Variants in SGPP2 observed in about 807,000 individuals in gnomAD.
The protein encoded by SGPP2 is sphingosine 1-phosphate phosphohydrolase 2.
Under a neutral mutation model 33.9 loss-of-function variants are expected in SGPP2, and 30 were observed. The ratio of observed to expected loss-of-function variants is 0.89; its 90% CI spans 0.66 to 1.20. The LOEUF (loss-of-function observed/expected upper bound fraction) is 1.20. Among genes scored for constraint, SGPP2 ranks in the 50% most tolerant of loss-of-function variants. SGPP2 has a pLI of 0.00. For missense variants in SGPP2, 458 were observed against 532.1 expected, an observed-to-expected ratio of 0.86 and a Z score of 1.37; for synonymous variants, 233 against 225.0, an observed-to-expected ratio of 1.04 and a Z score of -0.32.
chr2:222,440,351 TGTTTTTTTTTGAGACG>T (rs914424634), intron 1 of SGPP2, among the ~76,000 whole-genome samples: 1 of 60,042 alleles, frequency 1.7e-5, no homozygotes, highest in Non-Finnish European at 3.6e-5. Flanking sequence ...TTTTTGTTTT[TGTTTTTTTTTGAGACG>T]GAATCTCATT....
chr2:222,436,209 A>G (rs1392251659), intron 1 of SGPP2, among the ~76,000 whole-genome samples: 3 of 152,198 alleles, frequency 2.0e-5, no homozygotes, highest in African/African-American at 4.8e-5. Context: ...TAATGGAATC[A>G]TCGTTGTGCC....
intron 1 of SGPP2, among the ~76,000 whole-genome samples, chr2:222,445,371 G>A (rs2106070571): frequency 6.6e-6 from 1 of 152,312 alleles, no homozygotes; most frequent in African/African-American, 2.4e-5. Context: ...ACCATAAGAG[G>A]TTGCTTTCCA....
chr2:222,466,076 TTGAAGTCAGGAGTTC>T (rs1322771682), intron 1 of SGPP2, among the ~76,000 whole-genome samples: 3 of 152,086 alleles, frequency 2.0e-5, no homozygotes, highest in Non-Finnish European at 4.4e-5. Flanking sequence ...GGAGGATTGC[TTGAAGTCAGGAGTTC>T]AAGACCAGCC....
At chr2:222,520,300 A>G (rs1227027824) in intron 2 of SGPP2, among the ~76,000 whole-genome samples, 3 of 151,984 alleles carry the variant, frequency 2.0e-5, no homozygotes, top group Middle Eastern at 3.2e-3. Context: ...ATCTTTTTTC[A>G]GTAGATATGA....
chr2:222,439,638 A>G (rs1387625205), intron 1 of SGPP2, among the ~76,000 whole-genome samples: 1 of 152,264 alleles, frequency 6.6e-6, no homozygotes, highest in African/African-American at 2.4e-5. Flanking sequence ...GGAATGAACA[A>G]TTGATACACA....
At chr2:222,536,661 T>C (rs1698920066) in intron 4 of SGPP2, among the ~76,000 whole-genome samples, 1 of 152,058 alleles carries the variant, frequency 6.6e-6, no homozygotes, top group South Asian at 2.1e-4. Context: ...GCCTGGGGGA[T>C]AGAGCAAGAC....
chr2:222,546,775 G>A (rs1689208495), intron 4 of SGPP2, among the ~76,000 whole-genome samples: 7 of 138,604 alleles, frequency 5.1e-5, no homozygotes. Flanking sequence ...TTTCAAAGAC[G>A]ACAAAAGCAC....
intron 2 of SGPP2, among the ~76,000 whole-genome samples, chr2:222,475,627 A>G (rs1198179705): frequency 1.3e-5 from 2 of 152,226 alleles, no homozygotes; most frequent in African/African-American, 4.8e-5. Flanking sequence ...CTGCAAATAC[A>G]CAGAAACCAT....
chr2:222,559,171 C>CA lies in SGPP2; in HGVS notation c.*273_*274insA, dbSNP rs1171768999. ...AAAGGCACACACCGCGCCCCCCCCCCCCCCGCCCGGCCCCTGCTCCTCTCG... is the reference window on the plus strand; with the variant it reads ...AAAGGCACACACCGCGCCCCCCCCCCACCCCGCCCGGCCCCTGCTCCTCTCG... On this transcript the variant is annotated 3_prime_UTR_variant, in exon 5 of 5. Coordinates refer to ENST00000321276, the MANE Select transcript of SGPP2 (RefSeq NM_152386.4). 5.9e-5 allele frequency: 6 copies of CA among 101,398 alleles called. No homozygotes were observed. The highest frequency in any genetic ancestry group is 9.4e-5 in the African/African-American group (2 of 21,330). The allele number at this position is 101,398 out of a possible 1,614,324, so 6.3% of individuals were successfully genotyped here. A position where few individuals can be genotyped will look rare whatever the true frequency, so the allele number is the denominator to read the frequency against.
rs920288037 is a variant in SGPP2, at chr2:222,550,626, T to C, written c.649-7721T>C. Among the ~76,000 whole-genome samples the C allele has an allele frequency of 3.9e-5, 6 of 152,246 alleles. No homozygotes were observed. The highest frequency in any genetic ancestry group is 3.3e-4 in the Admixed American group (5 of 15,288). ...GAAAATGAGGTTGCAGAAATTTGTC[T>C]TTTCACATGGAAAATGTTCCTGCTA... On this transcript the variant is annotated intron_variant, in intron 4 of 4. Transcript: ENST00000321276. The surrounding 1 kb of genome is among the most constrained non-coding windows in gnomAD (Gnocchi z 4.5).
At chr2:222,466,253 CTTTTTTTTTT>C (rs34005867) in intron 1 of SGPP2, among the ~76,000 whole-genome samples, 2 of 104,704 alleles carry the variant, frequency 1.9e-5, no homozygotes. Flanking sequence ...CTGTTTTCAA[CTTTTTTTTTT>C]TTTTTTTTTT....
chr2:222,491,459 C>T (rs1211226476), intron 2 of SGPP2, among the ~76,000 whole-genome samples: 1 of 152,152 alleles, frequency 6.6e-6, no homozygotes, highest in Non-Finnish European at 1.5e-5. Flanking sequence ...GGGAAGCAGG[C>T]ACATCTTACA....
chr2:222,503,693 G>T (rs1698400495), intron 2 of SGPP2, among the ~76,000 whole-genome samples: 1 of 152,232 alleles, frequency 6.6e-6, no homozygotes, highest in African/African-American at 2.4e-5. Context: ...TGGCAGCAAT[G>T]GTATTCAACA....
rs1327775775 is a variant in SGPP2 at position 222,477,293 on chromosome 2, A to G, written c.378+2567A>G. Among the ~76,000 whole-genome samples the G allele has an allele frequency of 6.7e-6, 1 of 149,832 alleles. No individual in the cohort carries two copies. The highest frequency in any genetic ancestry group is 1.5e-5 in the Non-Finnish European group (1 of 67,442). On this transcript the variant is annotated intron_variant, in intron 2 of 4. Transcript: ENST00000321276. This position sits in a 1 kb window ranked among gnomAD's most constrained non-coding sequence, Gnocchi z 6.0. ...TATATGTATGTGTGTATGGGTGTGT[A>G]TATGTGTGTATATAGGTGTGAGTAT...
intron 2 of SGPP2, among the ~76,000 whole-genome samples, chr2:222,496,543 T>A (rs954327648): frequency 1.3e-5 from 2 of 152,200 alleles, no homozygotes; most frequent in Non-Finnish European, 2.9e-5. Flanking sequence ...CTATCTCAAA[T>A]GCAGATGTGA....
chr2:222,487,963 T>C (rs1032707272), intron 2 of SGPP2, among the ~76,000 whole-genome samples: 1 of 152,150 alleles, frequency 6.6e-6, no homozygotes, highest in African/African-American at 2.4e-5. Flanking sequence ...GGGGCTCAGA[T>C]GTTTATCATA....
At chr2:222,424,508 T>A (rs964403246), upstream of SGPP2, 7 of 885,106 alleles carry the variant, frequency 7.9e-6, no homozygotes, top group African/African-American at 1.3e-4. Context: ...CCGCCCGGAG[T>A]GCGGGATCGG....
chr2:222,485,415 G>A (rs1307935217), intron 2 of SGPP2, among the ~76,000 whole-genome samples: 2 of 152,120 alleles, frequency 1.3e-5, no homozygotes, highest in South Asian at 2.1e-4. Context: ...ACACGAACTC[G>A]AAAGGCCAGA....
rs116889675 is a variant in SGPP2 at position 222,505,126 on chromosome 2, G to T, written c.379-16641G>T. On this transcript the variant is annotated intron_variant, in intron 2 of 4. Transcript: ENST00000321276. ...ATTCCAGAGAGCAAAAATTTGGATAGTGAGAGATATTCATATTTACTGCTT... is the reference window on the plus strand; with the variant it reads ...ATTCCAGAGAGCAAAAATTTGGATATTGAGAGATATTCATATTTACTGCTT... Among the ~76,000 whole-genome samples, 10 of 152,302 alleles carry T rather than the reference G, an allele frequency of 6.6e-5. No individual in the cohort carries two copies. The East Asian group carries it at 1.9e-3, about 29-fold the overall frequency.
Sources: gnomAD v4.1 joint callset for allele counts (sites outside exome capture counted in the v4.1 genomes callset) on GRCh38, gnomAD v4.1.1 for gene constraint, Gnocchi (gnomAD v3.1) non-coding constraint, MANE v1.5 for transcripts, NCBI Gene and HGNC (gene_info 2026-07-23, HGNC 2026-07-21) for gene names.